Variants in FAM135B observed in about 807,000 individuals in gnomAD.
FAM135B encodes the protein protein FAM135B.
Under a neutral mutation model 127.7 loss-of-function variants are expected in FAM135B, and 43 were observed. The ratio of observed to expected loss-of-function variants is 0.34; its 90% CI spans 0.26 to 0.43. The LOEUF (loss-of-function observed/expected upper bound fraction) is 0.43, where lower values mean the gene tolerates loss of function less well. Among genes scored for constraint, FAM135B ranks in the 20% least tolerant of loss-of-function variants. The pLI is 1.00. For synonymous variants in FAM135B, 670 were observed against 665.1 expected (o/e 1.01, Z -0.11); for missense variants, 1,558 against 1,725.6 (o/e 0.90, Z 1.72).
intron 19 of FAM135B, among the ~76,000 whole-genome samples, chr8:138,133,623 C>T (rs1586555475): frequency 6.6e-6 from 1 of 152,190 alleles, no homozygotes; most frequent in African/African-American, 2.4e-5. Flanking sequence ...TGGGTACCCA[C>T]TCCAAACAAC....
chr8:138,288,571 G>A (rs1824871083), intron 3 of FAM135B, among the ~76,000 whole-genome samples: 1 of 152,124 alleles, frequency 6.6e-6, no homozygotes, highest in Non-Finnish European at 1.5e-5. Flanking sequence ...GCAGGTAAGA[G>A]AAAGCAGGAG....
At chr8:138,442,230 T>A (rs1290046124) in intron 1 of FAM135B, among the ~76,000 whole-genome samples, 1 of 33,780 alleles carries the variant, frequency 3.0e-5, no homozygotes, top group Admixed American at 4.2e-4. Context: ...GTGAAGAATA[T>A]GGACACCATA....
chr8:138,391,344 C>G (rs957754158), intron 1 of FAM135B, among the ~76,000 whole-genome samples: 1 of 152,164 alleles, frequency 6.6e-6, no homozygotes, highest in Admixed American at 6.5e-5. Context: ...TCTCCCCTAT[C>G]CTCCAGCATG....
At chr8:138,448,540 A>C (rs1204207705) in intron 1 of FAM135B, among the ~76,000 whole-genome samples, 1 of 152,074 alleles carries the variant, frequency 6.6e-6, no homozygotes, top group Admixed American at 6.6e-5. Context: ...CTTTAGACTC[A>C]AACTGAAATA....
intron 1 of FAM135B, among the ~76,000 whole-genome samples, chr8:138,448,120 A>AG (rs1274326862): frequency 1.3e-5 from 2 of 151,740 alleles, no homozygotes; most frequent in East Asian, 3.9e-4. Flanking sequence ...AGAAAAAAAA[A>AG]AAAAAGAAAA....
intron 3 of FAM135B, among the ~76,000 whole-genome samples, chr8:138,277,600 G>A (rs1241075119): frequency 6.6e-6 from 1 of 152,156 alleles, no homozygotes. Flanking sequence ...GTCAACAATT[G>A]GACCAGTCTC....
intron 1 of FAM135B, chr8:138,450,365 G>A (rs1464130981): frequency 6.6e-6 from 1 of 152,184 alleles, no homozygotes; most frequent in Non-Finnish European, 1.5e-5. Flanking sequence ...TAAATACTGA[G>A]GAGCACACTT....
At chr8:138,163,226 G>A (rs961273633) in intron 12 of FAM135B, among the ~76,000 whole-genome samples, 6 of 152,108 alleles carry the variant, frequency 3.9e-5, no homozygotes, top group Non-Finnish European at 8.8e-5. Context: ...AATTTCACAC[G>A]GTTAATAATT....
intron 3 of FAM135B, among the ~76,000 whole-genome samples, chr8:138,295,170 A>C (rs1358669893): frequency 7.8e-6 from 1 of 127,900 alleles, no homozygotes; most frequent in Non-Finnish European, 1.6e-5. Context: ...ATGCACAAGC[A>C]CAGGAAGGGC....
rs1033349373 is a variant in FAM135B, at chr8:138,367,829, C to T, written c.77+78G>A. ...AATTTCCTATAATCTGACTTCCCCA[C>T]CTCCACCTTCTTCCACGGAAAGAAA... On this transcript the variant is annotated intron_variant, in intron 2 of 19. Transcript: ENST00000395297. 8.1e-6 allele frequency: 9 copies of T among 1,116,352 alleles called. No individual in the cohort carries two copies. The African/African-American group carries it at 1.2e-4, about 15-fold the overall frequency. 69.2% of individuals were successfully genotyped at this position (1,116,352 alleles called of 1,614,324 possible).
intron 7 of FAM135B, among the ~76,000 whole-genome samples, chr8:138,229,071 A>C (rs1567692): frequency 0.41 from 61,773 of 151,648 alleles, 12,970 homozygotes; most frequent in African/African-American, 0.45. Flanking sequence ...GCGTGTGTAC[A>C]CCACACTCAC....
intron 3 of FAM135B, among the ~76,000 whole-genome samples, chr8:138,274,031 CCT>C: frequency 6.6e-6 from 1 of 152,134 alleles, no homozygotes; most frequent in Non-Finnish European, 1.5e-5. Flanking sequence ...AGATCAGAAC[CCT>C]CTGTTTCCAG....
chr8:138,220,742 G>C (rs1047493422), intron 7 of FAM135B, among the ~76,000 whole-genome samples: 4 of 152,138 alleles, frequency 2.6e-5, no homozygotes, highest in South Asian at 2.1e-4. Flanking sequence ...CGAGTCCTGT[G>C]TTCATATTGC....
At chr8:138,415,683 G>A in intron 1 of FAM135B, among the ~76,000 whole-genome samples, 1 of 152,180 alleles carries the variant, frequency 6.6e-6, no homozygotes, top group Middle Eastern at 3.2e-3. Context: ...TTTAATTGGT[G>A]GAAGACAGAA....
chr8:138,179,428 A>T (rs998286030), intron 9 of FAM135B, among the ~76,000 whole-genome samples: 2 of 152,198 alleles, frequency 1.3e-5, no homozygotes, highest in African/African-American at 4.8e-5. Flanking sequence ...CCTTTGGTAG[A>T]GTTACTGTGG....
chr8:138,405,457 T>C (rs1833422117), intron 1 of FAM135B, among the ~76,000 whole-genome samples: 1 of 148,782 alleles, frequency 6.7e-6, no homozygotes, highest in South Asian at 2.2e-4. Context: ...AGTGAGAACA[T>C]GCGGTGTTTG....
intron 17 of FAM135B, among the ~76,000 whole-genome samples, chr8:138,140,702 T>C (rs912946989): frequency 1.3e-5 from 2 of 152,212 alleles, no homozygotes; most frequent in Admixed American, 1.3e-4. Context: ...ATACTTACAT[T>C]GTGTACATGC....
At chr8:138,493,521 T>C (rs1291958081) in intron 1 of FAM135B, among the ~76,000 whole-genome samples, 1 of 152,220 alleles carries the variant, frequency 6.6e-6, no homozygotes, top group Non-Finnish European at 1.5e-5. Context: ...GGCATTTTTC[T>C]TTCTGTGCAT....
intron 2 of FAM135B, among the ~76,000 whole-genome samples, chr8:138,312,697 G>T (rs1826783015): frequency 6.6e-6 from 1 of 152,130 alleles, no homozygotes; most frequent in African/African-American, 2.4e-5. Flanking sequence ...AAAGTGGGAA[G>T]TCTAGACAGC....
Sources: gnomAD v4.1 joint callset for allele counts (sites outside exome capture counted in the v4.1 genomes callset) on GRCh38, gnomAD v4.1.1 for gene constraint, MANE v1.5 for transcripts, NCBI Gene and HGNC (gene_info 2026-07-23, HGNC 2026-07-21) for gene names.